The following CXADR variants were observed in gnomAD, a reference collection of about 807,000 sequenced individuals.
CXADR encodes CXADR cell adhesion molecule, also known as coxsackievirus and adenovirus receptor.
A neutral mutation model predicts 40.3 loss-of-function variants in CXADR; 20 were observed. That is an observed-to-expected ratio of 0.50 (90% CI 0.35 to 0.72). The LOEUF (loss-of-function observed/expected upper bound fraction) is 0.72, where lower values mean the gene tolerates loss of function less well. Ranked by LOEUF, CXADR falls within the 30% of genes least tolerant of loss-of-function variation. CXADR has a pLI of 0.01. For missense variants in CXADR, 332 were observed against 449.1 expected, an observed-to-expected ratio of 0.74 and a Z score of 2.36; for synonymous variants, 150 against 161.3, an observed-to-expected ratio of 0.93 and a Z score of 0.53.
the CXADR span, among the ~76,000 whole-genome samples, chr21:17,620,436 A>G: frequency 7.9e-5 from 12 of 152,350 alleles, no homozygotes; most frequent in East Asian, 1.5e-3. Flanking sequence ...GCACCTCATA[A>G]CAATCAAAAT....
chr21:17,593,019 G>C (rs2061454561), intron 7 of CXADR: 1 of 735,316 alleles, frequency 1.4e-6, no homozygotes, highest in African/African-American at 1.8e-5. Context: ...TTTCTGGTAA[G>C]TCAAATAATT....
chr21:17,559,387 G>A (rs554614413), intron 4 of CXADR, among the ~76,000 whole-genome samples: 71 of 151,664 alleles, frequency 4.7e-4, no homozygotes, highest in African/African-American at 1.6e-3. Flanking sequence ...ATCTCCCTGC[G>A]TTGCCTGTGC....
At chr21:17,555,156 T>C (rs1432748714) in intron 3 of CXADR, among the ~76,000 whole-genome samples, 1 of 152,218 alleles carries the variant, frequency 6.6e-6, no homozygotes, top group Admixed American at 6.5e-5. Context: ...CCTGGAGCTC[T>C]GGAAGGGCCT....
chr21:17,629,509 T>G, the CXADR span, among the ~76,000 whole-genome samples: 973 of 151,902 alleles, frequency 6.4e-3, 12 homozygotes, highest in African/African-American at 0.022. Context: ...AGGCTGTGGT[T>G]AGCTGTGATT....
At chr21:17,513,579 G>A (rs917070491) in intron 1 of CXADR, among the ~76,000 whole-genome samples, 8 of 152,368 alleles carry the variant, frequency 5.3e-5, no homozygotes, top group Admixed American at 5.2e-4. Flanking sequence ...AAAACCTTGG[G>A]CGGCGAGTTT....
the CXADR span, among the ~76,000 whole-genome samples, chr21:17,618,902 T>C: frequency 1.3e-5 from 2 of 152,226 alleles, no homozygotes; most frequent in African/African-American, 2.4e-5. Context: ...GGCTGCACAA[T>C]AGATGTTGTG....
chr21:17,525,873 C>A (rs2060592658), intron 1 of CXADR, among the ~76,000 whole-genome samples: 1 of 152,188 alleles, frequency 6.6e-6, no homozygotes. Context: ...TAGAACAGTG[C>A]TGTCCAACAG....
chr21:17,596,652 T>C (rs2061507816), downstream of CXADR, among the ~76,000 whole-genome samples: 1 of 152,100 alleles, frequency 6.6e-6, no homozygotes, highest in African/African-American at 2.4e-5. Context: ...AATATATTTG[T>C]ATGTTTTTAA....
chr21:17,595,247 ATCT>A (rs144154891), downstream of CXADR, among the ~76,000 whole-genome samples: 1,134 of 152,178 alleles, frequency 7.5e-3, 18 homozygotes, highest in African/African-American at 0.026. Flanking sequence ...AGAATGCCAC[ATCT>A]TCTTAAATTT....
In CXADR at chr21:17,542,111, G is replaced by A. The variant is rs552381390; in HGVS notation, c.44-4916G>A. The A allele has an allele frequency of 2.3e-3, 636 of 278,680 alleles. 13 individuals are homozygous for A. Among genetic ancestry groups the A allele is most frequent in the South Asian group, 0.02 (617 of 30,580 alleles). The allele number at this position is 278,680 out of a possible 1,614,324, so 17.3% of individuals were successfully genotyped here. ...TCTTCCATAGCTTTTGTGTTTTTCT[G>A]TTCTACTTTTCTCTAAGGCTTTCCT... is the stretch of plus-strand genomic sequence containing the variant. On this transcript the variant is annotated intron_variant, in intron 1 of 6. Transcript: ENST00000284878.
intron 1 of CXADR, among the ~76,000 whole-genome samples, chr21:17,534,489 G>A (rs1029142138): frequency 6.6e-6 from 1 of 152,120 alleles, no homozygotes; most frequent in Non-Finnish European, 1.5e-5. Flanking sequence ...TCACTATTTA[G>A]ATGACTTTCA....
At chr21:17,633,236 C>T in the CXADR span, 1 of 152,202 alleles carries the variant, frequency 6.6e-6, no homozygotes, top group African/African-American at 2.4e-5. Flanking sequence ...TCTGAAATCT[C>T]ACTAACCAGG....
Position 17,567,266 on chromosome 21 carries a change from A to G in CXADR, c.*1574A>G, listed in dbSNP as rs1255322060. ...GGTGGCATGTATTTACAGTTAGAGT[A>G]TTGTGTGTACACTTTTTAATGGTAA... On this transcript the variant is annotated 3_prime_UTR_variant, in exon 7 of 7. Transcript: ENST00000284878. The G allele has an allele frequency of 6.1e-6, 6 of 985,302 alleles. No individual in the cohort carries two copies. The highest frequency in any genetic ancestry group is 5.2e-4 in the Middle Eastern group (1 of 1,936). The allele number at this position is 985,302 out of a possible 1,614,324, so 61.0% of individuals were successfully genotyped here. A position where few individuals can be genotyped will look rare whatever the true frequency, so the allele number is the denominator to read the frequency against.
At chr21:17,549,624 A>G (rs1344790358) in intron 2 of CXADR, among the ~76,000 whole-genome samples, 4 of 152,190 alleles carry the variant, frequency 2.6e-5, no homozygotes, top group Non-Finnish European at 4.4e-5. Flanking sequence ...GTAAAATTTC[A>G]TGGTAAATTT....
At chr21:17,585,894 T>C (rs2061392269) in intron 7 of CXADR, among the ~76,000 whole-genome samples, 1 of 152,238 alleles carries the variant, frequency 6.6e-6, no homozygotes. Flanking sequence ...TTTTGTATAA[T>C]AACTATGACA....
chr21:17,559,678 T>TTTTTTTTTTTTTTTTTTTTTTTTTTTG (rs1569128154), intron 4 of CXADR, among the ~76,000 whole-genome samples: 1 of 144,766 alleles, frequency 6.9e-6, no homozygotes, highest in Non-Finnish European at 1.5e-5. Flanking sequence ...GGTTTTTTTT[T>TTTTTTTTTTTTTTTTTTTTTTTTTTTG]TTTTTTTTTT....
At chr21:17,528,214 C>T (rs1357666221) in intron 1 of CXADR, among the ~76,000 whole-genome samples, 2 of 151,504 alleles carry the variant, frequency 1.3e-5, no homozygotes, top group Admixed American at 1.3e-4. Flanking sequence ...GCTGGGACTA[C>T]AGGTGCCTGC....
chr21:17,529,929 C>T (rs1344070199), intron 1 of CXADR, among the ~76,000 whole-genome samples: 1 of 151,274 alleles, frequency 6.6e-6, no homozygotes, highest in Non-Finnish European at 1.5e-5. Context: ...CCTTCCTTTA[C>T]TATTTTTCTT....
At chr21:17,525,369 A>C (rs559877504) in intron 1 of CXADR, among the ~76,000 whole-genome samples, 3 of 152,328 alleles carry the variant, frequency 2.0e-5, no homozygotes, top group Admixed American at 6.5e-5. Flanking sequence ...TGTGTGTTCT[A>C]TGTGAGTTTT....
Sources: gnomAD v4.1 joint callset for allele counts (sites outside exome capture counted in the v4.1 genomes callset) on GRCh38, gnomAD v4.1.1 for gene constraint, MANE v1.5 for transcripts, NCBI Gene and HGNC (gene_info 2026-07-23, HGNC 2026-07-21) for gene names.